ANKRD22: variants seen among roughly 807,000 people sequenced by gnomAD.
ANKRD22 encodes ankyrin repeat domain-containing protein 22.
Under a neutral mutation model 25.7 loss-of-function variants are expected in ANKRD22, and 24 were observed. That is an observed-to-expected ratio of 0.93 (90% CI 0.68 to 1.31). ANKRD22 has a LOEUF of 1.31. Among genes scored for constraint, ANKRD22 ranks in the 50% most tolerant of loss-of-function variants. The pLI, the probability that ANKRD22 is intolerant of heterozygous loss-of-function variation, is 0.00. For missense variants in ANKRD22, 214 were observed against 227.1 expected, an observed-to-expected ratio of 0.94 and a Z score of 0.37; for synonymous variants, 84 against 84.3, an observed-to-expected ratio of 1.00 and a Z score of 0.02.
At position 88,821,572 on chromosome 10, in the gene ANKRD22, G is replaced by T. The variant is rs1392367923; in HGVS notation, c.*1369C>A. 6.6e-6 allele frequency among the ~76,000 whole-genome samples: 1 copy of T among 152,212 alleles called. No homozygotes were observed. Among genetic ancestry groups the T allele is most frequent in the Non-Finnish European group, 1.5e-5 (1 of 68,030 alleles). ...CACCTGGTAGCTCAGCTCAATGCCAGTGAATCTTAATTTATTAAGACACGT... is the reference window on the plus strand; with the variant it reads ...CACCTGGTAGCTCAGCTCAATGCCATTGAATCTTAATTTATTAAGACACGT... On this transcript the variant is annotated 3_prime_UTR_variant, in exon 6 of 6. Transcript: ENST00000371930.
At chr10:88,836,476 A>G (rs1843955157) in intron 1 of ANKRD22, among the ~76,000 whole-genome samples, 1 of 152,240 alleles carries the variant, frequency 6.6e-6, no homozygotes, top group East Asian at 1.9e-4. Context: ...TTTTGCACAG[A>G]TGAAACTAAG....
At chr10:88,837,228 G>A (rs1039541620) in intron 1 of ANKRD22, among the ~76,000 whole-genome samples, 3 of 152,198 alleles carry the variant, frequency 2.0e-5, no homozygotes, top group Non-Finnish European at 4.4e-5. Flanking sequence ...TTCATGCTAA[G>A]TTTCCTTCTG....
chr10:88,829,670 A>G (rs77691452), intron 2 of ANKRD22, among the ~76,000 whole-genome samples: 5,520 of 115,124 alleles, frequency 0.048, 328 homozygotes, highest in African/African-American at 0.13. Flanking sequence ...ATATTTTTAA[A>G]CATATGATTG....
intron 1 of ANKRD22, among the ~76,000 whole-genome samples, chr10:88,849,649 A>G (rs1018831496): frequency 7.2e-5 from 11 of 152,180 alleles, no homozygotes; most frequent in Non-Finnish European, 7.4e-5. Context: ...ATGAGTTAAT[A>G]CATATATAAA....
In ANKRD22 at chr10:88,831,949, G is replaced by T. The variant is rs367882066; in HGVS notation, c.99C>A (p.Asn33Lys). 1 of 1,613,874 alleles carries T rather than the reference G, an allele frequency of 6.2e-7. No homozygotes were observed. The highest frequency in any genetic ancestry group is 1.1e-5 in the South Asian group (1 of 91,072). ...RWVKEDSSYA[N>K]VQDGFNGDTP... is the part of the protein sequence containing the mutation. ...TGTCTCCATTAAAGCCATCTTGAAC[G>T]TTGGCATAGCTGCTGTCTTCTTTCA... The change falls in exon 2 of 6, where the codon AAC becomes AAA. Residue 33 changes from asparagine (N) to lysine (K), a missense_variant. Asn to Lys is a moderately conservative substitution (Grantham distance 94, BLOSUM62 0). Coordinates refer to ENST00000371930, the MANE Select transcript of ANKRD22 (RefSeq NM_144590.3).
intron 1 of ANKRD22, among the ~76,000 whole-genome samples, chr10:88,845,197 ATC>A (rs1844036833): frequency 6.6e-6 from 1 of 152,176 alleles, no homozygotes. Context: ...ACCCCAGAAA[ATC>A]TCCTGTTTGA....
At chr10:88,849,887 C>T (rs148249822) in intron 1 of ANKRD22, among the ~76,000 whole-genome samples, 30 of 152,178 alleles carry the variant, frequency 2.0e-4, no homozygotes, top group Non-Finnish European at 3.7e-4. Flanking sequence ...CTCCCTCATT[C>T]TCTCCTTCTT....
intron 1 of ANKRD22, among the ~76,000 whole-genome samples, chr10:88,844,834 A>G (rs1191902073): frequency 6.6e-6 from 1 of 152,168 alleles, no homozygotes; most frequent in Non-Finnish European, 1.5e-5. Context: ...TGTAGAAGGC[A>G]TATACAAATA....
At chr10:88,830,726 T>C (rs529574222) in intron 2 of ANKRD22, among the ~76,000 whole-genome samples, 1 of 152,280 alleles carries the variant, frequency 6.6e-6, no homozygotes, top group South Asian at 2.1e-4. Context: ...GAGATAAAAG[T>C]GTCTCCTCAG....
chr10:88,841,109 G>A lies in ANKRD22; in HGVS notation c.22-9083C>T, dbSNP rs75851327. 0.01 allele frequency among the ~76,000 whole-genome samples: 1,583 copies of A among 152,104 alleles called. 55 individuals are homozygous for A. In the East Asian group the frequency reaches 0.15, roughly 14 times the overall value. ...ATGAAGTTATGTTCCTTGCCAGGAA[G>A]CTAAAAAAACCCCATTGCCACACTT... On this transcript the variant is annotated intron_variant, in intron 1 of 5. Coordinates refer to ENST00000371930, the MANE Select transcript of ANKRD22 (RefSeq NM_144590.3).
intron 1 of ANKRD22, among the ~76,000 whole-genome samples, chr10:88,838,030 T>C (rs1424404919): frequency 6.6e-6 from 1 of 152,184 alleles, no homozygotes; most frequent in Non-Finnish European, 1.5e-5. Flanking sequence ...ATAAATAGCA[T>C]TGACATTTAA....
At chr10:88,836,671 A>G (rs1240711913) in intron 1 of ANKRD22, among the ~76,000 whole-genome samples, 2 of 152,184 alleles carry the variant, frequency 1.3e-5, no homozygotes, top group South Asian at 2.1e-4. Context: ...AAATTAAGCT[A>G]CAGTCTGTAT....
At chr10:88,848,147 C>CCT (rs1456207894) in intron 1 of ANKRD22, among the ~76,000 whole-genome samples, 3 of 144,332 alleles carry the variant, frequency 2.1e-5, no homozygotes, top group African/African-American at 7.7e-5. Context: ...AACATATATG[C>CCT]GTGTATATAT....
chr10:88,826,196 G>A, intron 3 of ANKRD22, 81 bp from the exon 4 acceptor site: 1 of 1,218,534 alleles, frequency 8.2e-7, no homozygotes, highest in South Asian at 1.3e-5. Flanking sequence ...TAATCAATAG[G>A]CTTCATTTTA....
chr10:88,834,308 T>C (rs557102459), intron 1 of ANKRD22, among the ~76,000 whole-genome samples: 1 of 152,274 alleles, frequency 6.6e-6, no homozygotes, highest in South Asian at 2.1e-4. Flanking sequence ...CAAAGATAAA[T>C]GAAGGGTATT....
At chr10:88,846,760 G>A (rs1025458468) in intron 1 of ANKRD22, among the ~76,000 whole-genome samples, 3 of 152,134 alleles carry the variant, frequency 2.0e-5, no homozygotes, top group Non-Finnish European at 2.9e-5. Context: ...TTGGTATCCT[G>A]ATTGCCCACA....
At chr10:88,825,007 T>TCACACACACA (rs568461484) in intron 4 of ANKRD22, among the ~76,000 whole-genome samples, 1,359 of 115,376 alleles carry the variant, frequency 0.012, 12 homozygotes, top group South Asian at 0.036. Context: ...TCTCTCTCTC[T>TCACACACACA]CTCTCACACA....
At chr10:88,841,933 G>T (rs937734268) in intron 1 of ANKRD22, among the ~76,000 whole-genome samples, 4 of 151,976 alleles carry the variant, frequency 2.6e-5, no homozygotes, top group African/African-American at 9.7e-5. Context: ...TTCCTGAATC[G>T]GTATTTGCTC....
intron 1 of ANKRD22, among the ~76,000 whole-genome samples, chr10:88,847,902 T>G (rs1173061849): frequency 6.6e-6 from 1 of 151,982 alleles, no homozygotes; most frequent in African/African-American, 2.4e-5. Flanking sequence ...CTTTGTGGAC[T>G]TGCTTTCATG....
Sources: allele counts gnomAD v4.1 joint callset (sites outside exome capture counted in the v4.1 genomes callset), GRCh38; gene constraint gnomAD v4.1.1; transcripts MANE v1.5; gene names NCBI Gene and HGNC (gene_info 2026-07-23, HGNC 2026-07-21).